The following RASGRF2 variants were observed in gnomAD, a reference collection of about 807,000 sequenced individuals.
RASGRF2 encodes ras-specific guanine nucleotide-releasing factor 2.
Under a neutral mutation model 151.0 loss-of-function variants are expected in RASGRF2, and 76 were observed. That is an observed-to-expected ratio of 0.50 (90% CI 0.42 to 0.61). The LOEUF is 0.61. Ranked by LOEUF, RASGRF2 falls within the 20% of genes least tolerant of loss-of-function variation. The pLI is 0.00. For missense variants in RASGRF2, 1,148 were observed against 1,564.6 expected (o/e 0.73, Z 4.49); for synonymous variants, 504 against 566.5 (o/e 0.89, Z 1.57).
chr5:80,969,192 G>C (rs958338215), intron 1 of RASGRF2, among the ~76,000 whole-genome samples: 1 of 137,770 alleles, frequency 7.3e-6, no homozygotes, highest in Non-Finnish European at 1.5e-5. Context: ...GTGCAGTGGC[G>C]CCATCTCAGC....
At chr5:81,000,791 T>C (rs572684253) in intron 1 of RASGRF2, among the ~76,000 whole-genome samples, 1 of 152,332 alleles carries the variant, frequency 6.6e-6, no homozygotes, top group South Asian at 2.1e-4. Flanking sequence ...TCAGCCACTT[T>C]AGCAAAGAAA....
rs78422670 is a variant in RASGRF2 at position 81,151,250 on chromosome 5, C to A, written c.2686+24087C>A. ...GGAGAGGCATCCCCTGAGCATGTTC[C>A]TTTATGCCTCACATCATTTTAAAAA... On this transcript the variant is annotated intron_variant, in intron 17 of 26. Transcript: ENST00000265080. 3.9e-3 allele frequency among the ~76,000 whole-genome samples: 593 copies of A among 152,270 alleles called. 4 individuals are homozygous for A. Among genetic ancestry groups the A allele is most frequent in the African/African-American group, 0.014 (576 of 41,568 alleles).
intron 2 of RASGRF2, among the ~76,000 whole-genome samples, chr5:81,047,028 C>A (rs1172052062): frequency 6.6e-6 from 1 of 152,148 alleles, no homozygotes; most frequent in Admixed American, 6.6e-5. Flanking sequence ...TTGTGACTAT[C>A]TGGATTTGAG....
At chr5:81,136,579 A>G (rs1163137482) in intron 17 of RASGRF2, among the ~76,000 whole-genome samples, 3 of 152,132 alleles carry the variant, frequency 2.0e-5, no homozygotes, top group Non-Finnish European at 4.4e-5. Flanking sequence ...CAGTTTGAAT[A>G]TGATATGCCT....
At chr5:81,125,755 AT>A in intron 16 of RASGRF2, among the ~76,000 whole-genome samples, 1 of 152,358 alleles carries the variant, frequency 6.6e-6, no homozygotes, top group South Asian at 2.1e-4. Flanking sequence ...CATAAGGATT[AT>A]TTGGAAATCC....
At chr5:81,139,411 T>G (rs1003003237) in intron 17 of RASGRF2, among the ~76,000 whole-genome samples, 1 of 151,030 alleles carries the variant, frequency 6.6e-6, no homozygotes, top group Non-Finnish European at 1.5e-5. Flanking sequence ...CTTTCTTTTT[T>G]TTTTTTTTGA....
At chr5:81,205,130 C>G (rs1425018576) in intron 19 of RASGRF2, among the ~76,000 whole-genome samples, 2 of 152,194 alleles carry the variant, frequency 1.3e-5, no homozygotes, top group Non-Finnish European at 2.9e-5. Flanking sequence ...TTAATCTGCC[C>G]TTTAAGATAA....
intron 1 of RASGRF2, among the ~76,000 whole-genome samples, chr5:80,988,079 C>T (rs943896414): frequency 6.7e-6 from 1 of 150,006 alleles, no homozygotes; most frequent in Non-Finnish European, 1.5e-5. Context: ...AAGACAGAGT[C>T]TTGCTGTCAC....
chr5:81,145,157 A>G (rs1753973987), intron 17 of RASGRF2, among the ~76,000 whole-genome samples: 1 of 152,086 alleles, frequency 6.6e-6, no homozygotes, highest in African/African-American at 2.4e-5. Flanking sequence ...TGAACCTGGG[A>G]GGTGGAGGTT....
chr5:81,045,865 T>C (rs1051731341), intron 2 of RASGRF2, among the ~76,000 whole-genome samples: 1 of 152,218 alleles, frequency 6.6e-6, no homozygotes, highest in Non-Finnish European at 1.5e-5. Context: ...TTTGTTCATG[T>C]ATGAACAAAG....
intron 13 of RASGRF2, among the ~76,000 whole-genome samples, chr5:81,110,776 A>T (rs1446165091): frequency 6.6e-6 from 1 of 152,238 alleles, no homozygotes; most frequent in Non-Finnish European, 1.5e-5. Flanking sequence ...AAATTTTCTC[A>T]GATCTTTTTA....
At chr5:81,164,886 A>C (rs1305873029) in intron 17 of RASGRF2, among the ~76,000 whole-genome samples, 1 of 152,188 alleles carries the variant, frequency 6.6e-6, no homozygotes, top group Non-Finnish European at 1.5e-5. Context: ...GCTCTCAAAT[A>C]TGTTTTAAGA....
At chr5:81,124,417 T>G (rs893117533) in intron 16 of RASGRF2, among the ~76,000 whole-genome samples, 1 of 152,232 alleles carries the variant, frequency 6.6e-6, no homozygotes, top group Non-Finnish European at 1.5e-5. Context: ...CTGAAGAATC[T>G]CAGTGCTGGG....
At chr5:81,137,536 TC>T (rs746016143) in intron 17 of RASGRF2, among the ~76,000 whole-genome samples, 17 of 152,202 alleles carry the variant, frequency 1.1e-4, no homozygotes, top group Middle Eastern at 3.4e-3. Context: ...TATGTGGAGG[TC>T]CCACCATTAC....
chr5:81,012,891 A>C (rs1040436197), intron 1 of RASGRF2, among the ~76,000 whole-genome samples: 1 of 152,064 alleles, frequency 6.6e-6, no homozygotes, highest in Non-Finnish European at 1.5e-5. Context: ...TTTGGGTGGG[A>C]AGAAAAGCTG....
At chr5:80,971,618 T>C (rs1747937379) in intron 1 of RASGRF2, among the ~76,000 whole-genome samples, 6 of 151,164 alleles carry the variant, frequency 4.0e-5, no homozygotes, top group Admixed American at 3.3e-4. Flanking sequence ...CAGGCTGGAA[T>C]GCAGTGGCAT....
intron 1 of RASGRF2, among the ~76,000 whole-genome samples, chr5:81,004,792 G>C (rs1405513552): frequency 6.6e-6 from 1 of 152,174 alleles, no homozygotes; most frequent in East Asian, 1.9e-4. Context: ...ATGCAGTGCA[G>C]CAAATATGGA....
intron 1 of RASGRF2, among the ~76,000 whole-genome samples, chr5:81,039,234 C>T (rs1466958166): frequency 1.3e-5 from 2 of 151,934 alleles, no homozygotes; most frequent in Non-Finnish European, 2.9e-5. Flanking sequence ...TTTGATTTTT[C>T]CAACTTTCTG....
At chr5:81,094,795 C>T in intron 11 of RASGRF2, 61 bp from the exon 12 acceptor site, 2 of 1,486,488 alleles carry the variant, frequency 1.3e-6, no homozygotes, top group Middle Eastern at 1.7e-4. Flanking sequence ...AATGTGAAGG[C>T]AGCTATCACT....
Sources: allele counts gnomAD v4.1 joint callset (sites outside exome capture counted in the v4.1 genomes callset), GRCh38; gene constraint gnomAD v4.1.1; transcripts MANE v1.5; gene names NCBI Gene and HGNC (gene_info 2026-07-23, HGNC 2026-07-21).